The following C7orf57 variants were observed in gnomAD, a reference collection of about 807,000 sequenced individuals.
C7orf57 encodes chromosome 7 open reading frame 57.
In C7orf57, 33 loss-of-function variants were observed where a neutral mutation model predicts 39.0. The ratio of observed to expected loss-of-function variants is 0.85; its 90% confidence interval spans 0.64 to 1.13. The LOEUF (loss-of-function observed/expected upper bound fraction) is 1.13, where lower values mean the gene tolerates loss of function less well. Ranked by LOEUF, C7orf57 falls within the 50% of genes most tolerant of loss-of-function variation. The pLI, the probability that C7orf57 is intolerant of heterozygous loss-of-function variation, is 0.00. For synonymous variants in C7orf57, 124 were observed against 137.1 expected (o/e 0.90, Z 0.67); for missense variants, 346 against 362.3 (o/e 0.95, Z 0.37).
intron 3 of C7orf57, 48 bp downstream of exon 3, chr7:48,041,567 A>AG (rs1441517635): frequency 2.8e-6 from 4 of 1,437,988 alleles, no homozygotes; most frequent in East Asian, 2.4e-5. Flanking sequence ...GCGGGCGGTG[A>AG]GGGGGGCGTT....
chr7:48,059,273 C>G (rs904426164), intron 8 of C7orf57, among the ~76,000 whole-genome samples: 2 of 152,210 alleles, frequency 1.3e-5, no homozygotes, highest in African/African-American at 4.8e-5. Flanking sequence ...TTAGAAAGTG[C>G]CTTTTTTCCT....
intron 4 of C7orf57, among the ~76,000 whole-genome samples, 167 bp from the exon 5 acceptor site, chr7:48,046,293 G>A (rs1035269485): frequency 6.6e-6 from 1 of 151,656 alleles, no homozygotes. Flanking sequence ...GAGCAGGAGA[G>A]GGAGAGAGAG....
Position 48,036,368 on chromosome 7 carries a change from G to C in C7orf57, c.55+5G>C, listed in dbSNP as rs770353356. Reference sequence around the variant, plus strand: ...CGCACCGCTACGCTCCCTGCGGTGAGTGCGCCCTGAGCGCGTCCCGGCCAG... The same window carrying C: ...CGCACCGCTACGCTCCCTGCGGTGACTGCGCCCTGAGCGCGTCCCGGCCAG... On this transcript the variant is annotated splice_donor_5th_base_variant and intron_variant, in intron 2 of 8. Coordinates refer to ENST00000348904, the MANE Select transcript of C7orf57 (RefSeq NM_001100159.3). 5.6e-5 allele frequency: 89 copies of C among 1,577,636 alleles called. No homozygotes were observed. Among genetic ancestry groups the C allele is most frequent in the Non-Finnish European group, 7.4e-5 (86 of 1,162,616 alleles).
At chr7:48,059,499 T>G (rs1410331462) in intron 8 of C7orf57, among the ~76,000 whole-genome samples, 1 of 152,134 alleles carries the variant, frequency 6.6e-6, no homozygotes, top group Non-Finnish European at 1.5e-5. Context: ...TACGGGTGCA[T>G]GCCACCATGC....
chr7:48,054,857 TGA>T (rs1791065876), intron 8 of C7orf57, among the ~76,000 whole-genome samples: 1 of 151,384 alleles, frequency 6.6e-6, no homozygotes, highest in East Asian at 1.9e-4. Flanking sequence ...ATGATGATGA[TGA>T]TGATGATGAT....
intron 7 of C7orf57, among the ~76,000 whole-genome samples, chr7:48,053,482 T>C: frequency 6.6e-6 from 1 of 152,140 alleles, no homozygotes. Context: ...GACAGAGTCT[T>C]ACTCTGTTGT....
chr7:48,046,412 T>G lies in C7orf57; in HGVS notation c.351-48T>G. ...ATGGAGATGGAAGGAAGGGAGGGAG[T>G]GGAAATGGCTCTGAGCACCAGGCTG... On this transcript the variant is annotated intron_variant, in intron 4 of 8. Coordinates refer to ENST00000348904, the MANE Select transcript of C7orf57 (RefSeq NM_001100159.3). The G allele has an allele frequency of 3.3e-6, 5 of 1,535,052 alleles. No individual in the cohort carries two copies. In the South Asian group the frequency reaches 3.7e-5, roughly 11 times the overall value.
chr7:48,040,084 A>G (rs1419920259), intron 2 of C7orf57, among the ~76,000 whole-genome samples: 1 of 152,126 alleles, frequency 6.6e-6, no homozygotes, highest in African/African-American at 2.4e-5. Context: ...TGATAACTCC[A>G]GGTCCCTGGG....
rs1020459791 is a variant in C7orf57, at chr7:48,036,463, G to T, written c.55+100G>T. The T allele has an allele frequency of 1.0e-5, 12 of 1,154,884 alleles. No homozygotes were observed. The African/African-American group carries it at 1.4e-4, about 14-fold the overall frequency. 71.5% of individuals were successfully genotyped at this position (1,154,884 alleles called of 1,614,324 possible). A position where few individuals can be genotyped will look rare whatever the true frequency, so the allele number is the denominator to read the frequency against. On this transcript the variant is annotated intron_variant, in intron 2 of 8. Transcript: ENST00000348904. ...CCCAACGTCCTCTATGTGGGCTGGA[G>T]GGGGGTGTGAACGATGGAGGACCAA...
chr7:48,054,354 C>T (rs1049870863), intron 7 of C7orf57, among the ~76,000 whole-genome samples: 6 of 134,628 alleles, frequency 4.5e-5, no homozygotes, highest in Admixed American at 8.6e-5. Context: ...GCGGAGGTTG[C>T]GGTGAGCCGA....
chr7:48,051,766 C>CTTTCTTTCTTTCT lies in C7orf57; in HGVS notation c.606-931_606-919dup, dbSNP rs1554299679. On this transcript the variant is annotated intron_variant, in intron 6 of 8. Coordinates refer to ENST00000348904, the MANE Select transcript of C7orf57 (RefSeq NM_001100159.3). ...TTCTTTTTCTTTTCTTTCTTTCTTT[C>CTTTCTTTCTTTCT]TTTCTTTCTTTCTTTCTTTCTTTCT... is the stretch of plus-strand genomic sequence containing the variant. 7.8e-5 allele frequency among the ~76,000 whole-genome samples: 5 copies of CTTTCTTTCTTTCT among 63,864 alleles called. No homozygotes were observed. In the South Asian group the frequency reaches 1.6e-3, roughly 20 times the overall value. The allele number at this position is 63,864 out of a possible 152,430, so 41.9% of individuals were successfully genotyped here. A position where few individuals can be genotyped will look rare whatever the true frequency, so the allele number is the denominator to read the frequency against.
intron 5 of C7orf57, among the ~76,000 whole-genome samples, chr7:48,047,670 C>G (rs1257724869): frequency 6.6e-6 from 1 of 152,046 alleles, no homozygotes; most frequent in African/African-American, 2.4e-5. Flanking sequence ...AGGCATTAGA[C>G]CTTTTATTGT....
chr7:48,041,172 C>T (rs561001520), intron 2 of C7orf57, among the ~76,000 whole-genome samples, 162 bp from the exon 3 acceptor site: 9 of 152,248 alleles, frequency 5.9e-5, no homozygotes, highest in East Asian at 1.9e-4. Context: ...TTATGACTCA[C>T]GTCAGTAACC....
chr7:48,041,921 T>C (rs185593763), intron 3 of C7orf57, among the ~76,000 whole-genome samples: 20 of 152,372 alleles, frequency 1.3e-4, no homozygotes, highest in Middle Eastern at 3.4e-3. Flanking sequence ...CATTGCGGCT[T>C]GTCCTTTGTA....
In C7orf57 at chr7:48,046,460, A is replaced by G; in HGVS notation, c.351A>G (p.Glu117=). The G allele has an allele frequency of 6.2e-7, 1 of 1,612,398 alleles. No homozygotes were observed. The highest frequency in any genetic ancestry group is 2.2e-5 in the East Asian group (1 of 44,808). ...CTGTAACTGGTGTCTGTCCTTGCAGAGTGCGGGCTGTCTCCATGCCGGATT... is the reference window on the plus strand; with the variant it reads ...CTGTAACTGGTGTCTGTCCTTGCAGGGTGCGGGCTGTCTCCATGCCGGATT... ...HSKPPTASQQ[E]VRAVSMPDYM... Residue 117 remains glutamate, a splice_region_variant and synonymous_variant, in exon 5 of 9, where the codon GAA becomes GAG. Transcript: ENST00000348904.
chr7:48,051,770 C>CTTTCTTTCTTTCTTTCT (rs1554299697), intron 6 of C7orf57, among the ~76,000 whole-genome samples: 2 of 54,022 alleles, frequency 3.7e-5, no homozygotes, highest in South Asian at 6.7e-4. Flanking sequence ...TTCTTTCTTT[C>CTTTCTTTCTTTCTTTCT]TTTCTTTCTT....
intron 8 of C7orf57, among the ~76,000 whole-genome samples, chr7:48,056,521 C>T (rs972048488): frequency 6.6e-6 from 1 of 152,026 alleles, no homozygotes; most frequent in African/African-American, 2.4e-5. Context: ...ATTGCCCAGA[C>T]CAATGCTGGG....
intron 6 of C7orf57, among the ~76,000 whole-genome samples, chr7:48,051,732 T>C (rs199606712): frequency 0.23 from 17,616 of 75,944 alleles, 3,366 homozygotes; most frequent in African/African-American, 0.38. Flanking sequence ...CTTTCTCTTT[T>C]TCTTTTCTTT....
chr7:48,040,229 C>G (rs1310746615), intron 2 of C7orf57, among the ~76,000 whole-genome samples: 1 of 152,236 alleles, frequency 6.6e-6, no homozygotes, highest in African/African-American at 2.4e-5. Flanking sequence ...CTTCACCAGG[C>G]CCATGTTCAG....
Sources: gnomAD v4.1 joint callset for allele counts (sites outside exome capture counted in the v4.1 genomes callset) on GRCh38, gnomAD v4.1.1 for gene constraint, MANE v1.5 for transcripts, NCBI Gene and HGNC (gene_info 2026-07-23, HGNC 2026-07-21) for gene names.